The following MESD variants were observed in gnomAD, a reference collection of about 807,000 sequenced individuals.
MESD encodes the protein mesoderm development LRP chaperone.
MESD carries 7 observed loss-of-function variants against 12.9 expected under a neutral mutation model. That is an observed-to-expected ratio of 0.54 (90% CI 0.31 to 1.02). The LOEUF (loss-of-function observed/expected upper bound fraction) is 1.02, where lower values mean the gene tolerates loss of function less well. Ranked by LOEUF, MESD falls within the 50% of genes least tolerant of loss-of-function variation. MESD has a pLI of 0.05. For synonymous variants in MESD, 126 were observed against 115.6 expected (o/e 1.09, Z -0.58); for missense variants, 342 against 296.7 (o/e 1.15, Z -1.12).
chr15:80,948,774 G>C (rs377067871), exon 5 of MESD: 1 of 1,613,866 alleles, frequency 6.2e-7, no homozygotes, highest in Non-Finnish European at 8.5e-7. Flanking sequence ...CTTTTGCTCA[G>C]GAGACTCATC....
downstream of MESD, among the ~76,000 whole-genome samples, chr15:80,972,777 C>T (rs1902317305): frequency 6.6e-6 from 1 of 152,226 alleles, no homozygotes; most frequent in South Asian, 2.1e-4. Context: ...AATCCCAGCA[C>T]TTTGGGAGGC....
rs11855057 is a variant in MESD, at chr15:80,989,803, C to G, written c.-12G>C. ...CTGGAAGCCGCCATTTTCGCTGCGC[C>G]GCGCAGCGCCCTAGACGCGCTTACC... On this transcript the variant is annotated 5_prime_UTR_variant, in exon 1 of 3. Coordinates refer to ENST00000261758, the MANE Select transcript of MESD (RefSeq NM_015154.3). The G allele has an allele frequency of 0.047, 72,602 of 1,557,656 alleles. 2,122 individuals carry two copies. Among genetic ancestry groups the G allele is most frequent in the Middle Eastern group, 0.13 (611 of 4,702 alleles).
At chr15:80,948,520 C>T (rs1388181995) in exon 5 of MESD, 1 of 486,456 alleles carries the variant, frequency 2.1e-6, no homozygotes, top group Non-Finnish European at 3.8e-6. Flanking sequence ...TACAGTTTGC[C>T]CCATTTCCTG....
intron 3 of MESD, among the ~76,000 whole-genome samples, chr15:80,963,510 A>G (rs574420421): frequency 5.9e-5 from 9 of 152,294 alleles, no homozygotes; most frequent in African/African-American, 2.2e-4. Flanking sequence ...ACCAAAGGCT[A>G]GCAGAGACAC....
At chr15:80,974,046 A>G (rs752456780), downstream of MESD, among the ~76,000 whole-genome samples, 1 of 151,906 alleles carries the variant, frequency 6.6e-6, no homozygotes, top group African/African-American at 2.4e-5. Flanking sequence ...TTTTCCTTGT[A>G]ATAGCAATTA....
At position 80,979,124 on chromosome 15, in the gene MESD, G is replaced by A. The variant is rs925296427; in HGVS notation, c.*95C>T. 29 of 1,479,108 alleles carry A rather than the reference G, an allele frequency of 2.0e-5. No individual in the cohort carries two copies. Among genetic ancestry groups the A allele is most frequent in the African/African-American group, 1.1e-4 (8 of 71,056 alleles). 91.6% of individuals were successfully genotyped at this position (1,479,108 alleles called of 1,614,324 possible). On this transcript the variant is annotated 3_prime_UTR_variant, in exon 3 of 3. Coordinates refer to ENST00000261758, the MANE Select transcript of MESD (RefSeq NM_015154.3). ...TCTAGAAGACACTAGAATGTCATCCGGTGTGCAGTTGCCTGAGACCACTCC... is the reference window on the plus strand; with the variant it reads ...TCTAGAAGACACTAGAATGTCATCCAGTGTGCAGTTGCCTGAGACCACTCC...
chr15:80,954,939 A>C (rs1041580502), intron 3 of MESD, among the ~76,000 whole-genome samples: 14 of 152,188 alleles, frequency 9.2e-5, no homozygotes, highest in African/African-American at 3.4e-4. Flanking sequence ...GGAAAGCCAA[A>C]AGATTGGATG....
chr15:80,956,127 CTG>C (rs1901979031), intron 3 of MESD, among the ~76,000 whole-genome samples: 1 of 151,936 alleles, frequency 6.6e-6, no homozygotes, highest in Non-Finnish European at 1.5e-5. Context: ...AAGGTAGAGT[CTG>C]TGGTGAGCCG....
At chr15:80,975,405 A>C (rs1044614162), downstream of MESD, among the ~76,000 whole-genome samples, 1 of 151,640 alleles carries the variant, frequency 6.6e-6, no homozygotes, top group Non-Finnish European at 1.5e-5. Flanking sequence ...CAAACAAACA[A>C]ACAAAAAACT....
chr15:80,989,795 C>T lies in MESD; in HGVS notation c.-4G>A, dbSNP rs770767790. 4 of 1,566,246 alleles carry T rather than the reference C, an allele frequency of 2.6e-6. No homozygotes were observed. Among genetic ancestry groups the T allele is most frequent in the African/African-American group, 2.7e-5 (2 of 74,126 alleles). On this transcript the variant is annotated 5_prime_UTR_variant, in exon 1 of 3. Transcript: ENST00000261758. ...GCGCCCACCTGGAAGCCGCCATTTT[C>T]GCTGCGCCGCGCAGCGCCCTAGACG... is the stretch of plus-strand genomic sequence containing the variant.
Position 80,985,639 on chromosome 15 carries a change from C to CTTTT in MESD, c.214-3461_214-3458dup, listed in dbSNP as rs11425497. Among the ~76,000 whole-genome samples, 278 of 89,044 alleles carry CTTTT rather than the reference C, an allele frequency of 3.1e-3. 19 individuals are homozygous for CTTTT. Among genetic ancestry groups the CTTTT allele is most frequent in the East Asian group, 5.1e-3 (17 of 3,318 alleles). 58.4% of individuals were successfully genotyped at this position (89,044 alleles called of 152,430 possible). A position where few individuals can be genotyped will look rare whatever the true frequency, so the allele number is the denominator to read the frequency against. On this transcript the variant is annotated intron_variant, in intron 1 of 2. Coordinates refer to ENST00000261758, the MANE Select transcript of MESD (RefSeq NM_015154.3). ...AATTAACTCAGTAGGTCCCAAGCAG[C>CTTTT]TTTTTTTTTTTTTTTTTTTTTTTTT...
downstream of MESD, among the ~76,000 whole-genome samples, chr15:80,975,208 C>CAAA (rs1010133981): frequency 1.5e-5 from 1 of 65,264 alleles, no homozygotes; most frequent in Non-Finnish European, 3.5e-5. Context: ...TCCATTTCTC[C>CAAA]AAAAAAAAAA....
In MESD at chr15:80,989,553, C is replaced by T. The variant is rs79764733; in HGVS notation, c.213+26G>A. ...AACAGGGTCCCGCACAGAGAAGAGC[C>T]GGGAGGGTGTGCGCGCGCCGCGGAC... On this transcript the variant is annotated intron_variant, in intron 1 of 2. Coordinates refer to ENST00000261758, the MANE Select transcript of MESD (RefSeq NM_015154.3). The T allele has an allele frequency of 1.4e-3, 2,268 of 1,607,214 alleles. 27 individuals are homozygous for T. The African/African-American group carries it at 0.027, about 19-fold the overall frequency.
rs1015432880 is a variant in MESD at position 80,976,588 on chromosome 15, T to C, written c.*2631A>G. The C allele has an allele frequency of 6.6e-6, 1 of 152,226 alleles. No individual in the cohort carries two copies. The highest frequency in any genetic ancestry group is 2.4e-5 in the African/African-American group (1 of 41,444). 9.4% of individuals were successfully genotyped at this position (152,226 alleles called of 1,614,324 possible). A position where few individuals can be genotyped will look rare whatever the true frequency, so the allele number is the denominator to read the frequency against. The stretch of plus-strand genomic sequence containing the variant: ...CAATCTATTAAACTGGTAAATGTGA[T>C]GCCCAAGGCTGGCAAGGATAGATCT... On this transcript the variant is annotated 3_prime_UTR_variant, in exon 3 of 3. Coordinates refer to ENST00000261758, the MANE Select transcript of MESD (RefSeq NM_015154.3).
At chr15:80,959,912 G>T (rs574503092) in intron 3 of MESD, among the ~76,000 whole-genome samples, 1 of 152,308 alleles carries the variant, frequency 6.6e-6, no homozygotes, top group South Asian at 2.1e-4. Flanking sequence ...AGTATTTGTT[G>T]ATGCCCATAG....
chr15:80,982,157 TCTC>T lies in MESD; in HGVS notation c.236_238del (p.Gly79del), dbSNP rs1479018788. 1 of 1,614,080 alleles carries T rather than the reference TCTC, an allele frequency of 6.2e-7. No homozygotes were observed. Among genetic ancestry groups the T allele is most frequent in the Non-Finnish European group, 8.5e-7 (1 of 1,179,976 alleles). On this transcript the variant is annotated inframe_deletion, in exon 2 of 3. Coordinates refer to ENST00000261758, the MANE Select transcript of MESD (RefSeq NM_015154.3). ...TGAAGGTCTCTTGTGCTCTGGAAGA[TCTC>T]CTTCTTCAATGTCATCATCTTTCTA...
At chr15:80,966,988 T>C (rs1032670135) in intron 3 of MESD, among the ~76,000 whole-genome samples, 1 of 152,130 alleles carries the variant, frequency 6.6e-6, no homozygotes, top group Non-Finnish European at 1.5e-5. Context: ...GCATTGATTT[T>C]AAAACTAGAA....
chr15:80,955,039 G>A (rs1901938989), intron 3 of MESD, among the ~76,000 whole-genome samples: 1 of 152,038 alleles, frequency 6.6e-6, no homozygotes, highest in Non-Finnish European at 1.5e-5. Context: ...GTTCACACCT[G>A]TAGCCCCAGC....
In MESD at chr15:80,976,768, G is replaced by A. The variant is rs1370944058; in HGVS notation, c.*2451C>T. 6.6e-6 allele frequency: 1 copy of A among 152,178 alleles called. No individual in the cohort carries two copies. The highest frequency in any genetic ancestry group is 1.9e-4 in the East Asian group (1 of 5,190). The allele number at this position is 152,178 out of a possible 1,614,324, so 9.4% of individuals were successfully genotyped here. ...GTACCGAAATATTTTGTATGAAAAT[G>A]TCCACTGCAGCACTGAATATACCAG... On this transcript the variant is annotated 3_prime_UTR_variant, in exon 3 of 3. Coordinates refer to ENST00000261758, the MANE Select transcript of MESD (RefSeq NM_015154.3).
Sources: allele counts gnomAD v4.1 joint callset (sites outside exome capture counted in the v4.1 genomes callset), GRCh38; gene constraint gnomAD v4.1.1; transcripts MANE v1.5; gene names NCBI Gene and HGNC (gene_info 2026-07-23, HGNC 2026-07-21).